Variants in TMCO4 observed in about 807,000 individuals in gnomAD.
TMCO4 encodes transmembrane and coiled-coil domains 4, also known as transmembrane and coiled-coil domain-containing protein 4.
TMCO4 carries 58 observed loss-of-function variants against 64.7 expected under a neutral mutation model. That is an observed-to-expected ratio of 0.90 (90% CI 0.73 to 1.12). TMCO4 has a LOEUF of 1.12. Among genes scored for constraint, TMCO4 ranks in the 50% most tolerant of loss-of-function variants. The pLI is 0.00. For synonymous variants in TMCO4, 325 were observed against 346.1 expected, an observed-to-expected ratio of 0.94 and a Z score of 0.68; for missense variants, 780 against 825.9, an observed-to-expected ratio of 0.94 and a Z score of 0.68.
At chr1:19,731,520 T>C (rs1375651089) in intron 13 of TMCO4, among the ~76,000 whole-genome samples, 1 of 152,198 alleles carries the variant, frequency 6.6e-6, no homozygotes, top group Non-Finnish European at 1.5e-5. Context: ...CCAGAGGCCC[T>C]GACTCCAGAG....
intron 13 of TMCO4, among the ~76,000 whole-genome samples, chr1:19,721,787 T>TCAAAC: frequency 6.7e-6 from 1 of 150,338 alleles, no homozygotes; most frequent in Non-Finnish European, 1.5e-5. Flanking sequence ...AGACCCTGTC[T>TCAAAC]CAAACAAAAC....
chr1:19,762,325 T>A (rs2042542788), intron 6 of TMCO4, among the ~76,000 whole-genome samples: 1 of 152,156 alleles, frequency 6.6e-6, no homozygotes, highest in Admixed American at 6.5e-5. Context: ...GGGATAACAG[T>A]TCTTTGGAAA....
At chr1:19,701,657 C>A (rs1000074882) in intron 13 of TMCO4, among the ~76,000 whole-genome samples, 1 of 152,160 alleles carries the variant, frequency 6.6e-6, no homozygotes, top group African/African-American at 2.4e-5. Context: ...CATCATCTTG[C>A]ATGCCAGGTG....
intron 12 of TMCO4, among the ~76,000 whole-genome samples, chr1:19,738,917 G>A (rs1396797472): frequency 6.6e-6 from 1 of 152,224 alleles, no homozygotes; most frequent in African/African-American, 2.4e-5. Flanking sequence ...AATGTTGTAA[G>A]GCTTTGCTGT....
intron 14 of TMCO4, among the ~76,000 whole-genome samples, chr1:19,699,533 G>A (rs946010690): frequency 1.4e-5 from 2 of 142,316 alleles, no homozygotes; most frequent in African/African-American, 5.3e-5. Flanking sequence ...AGTCTTGCTC[G>A]CTGCCACTCT....
At chr1:19,794,720 C>A (rs74058660) in intron 2 of TMCO4, among the ~76,000 whole-genome samples, 6,601 of 152,232 alleles carry the variant, frequency 0.043, 481 homozygotes, top group African/African-American at 0.15. Flanking sequence ...AATTATTCAC[C>A]ATAGCCGAGA....
At position 19,745,635 on chromosome 1, in the gene TMCO4, C is replaced by A; in HGVS notation, c.774G>T (p.Lys258Asn). The change falls in exon 10 of 16, where the codon AAG becomes AAT. Residue 258 changes from lysine to asparagine, a missense_variant. Transcript: ENST00000294543. The stretch of plus-strand genomic sequence containing the variant: ...TGAACTCTTCAATGGCTCCCACTCG[C>A]TTCTTCATCTTGTATCCTAAAGACC... Reference protein sequence around the residue: ...GAGLTGYKMKKRVGAIEEFTF... With the variant: ...GAGLTGYKMKNRVGAIEEFTF... 6.2e-7 allele frequency: 1 copy of A among 1,611,552 alleles called. No individual in the cohort carries two copies. Among genetic ancestry groups the A allele is most frequent in the Non-Finnish European group, 8.5e-7 (1 of 1,178,426 alleles).
chr1:19,786,743 T>TA (rs2043763084), intron 3 of TMCO4, among the ~76,000 whole-genome samples: 1 of 152,192 alleles, frequency 6.6e-6, no homozygotes, highest in South Asian at 2.1e-4. Flanking sequence ...TATTTTAAAA[T>TA]AAAAATTTTT....
chr1:19,765,477 C>T (rs1047911920), intron 6 of TMCO4, among the ~76,000 whole-genome samples: 7 of 151,000 alleles, frequency 4.6e-5, no homozygotes, highest in African/African-American at 1.2e-4. Flanking sequence ...TTCTGGTTAT[C>T]GCAGCTCAGG....
intron 6 of TMCO4, among the ~76,000 whole-genome samples, chr1:19,759,714 C>G (rs1019158650): frequency 9.2e-5 from 14 of 152,306 alleles, no homozygotes; most frequent in Admixed American, 4.6e-4. Flanking sequence ...CTTAGAGAAG[C>G]CAGCGGCTCC....
intron 6 of TMCO4, among the ~76,000 whole-genome samples, chr1:19,760,493 C>T (rs747395341): frequency 6.6e-5 from 10 of 152,334 alleles, no homozygotes; most frequent in Non-Finnish European, 1.2e-4. Flanking sequence ...TCTTGGCTCA[C>T]TGCAGCCTCA....
At chr1:19,763,068 C>A (rs1269324767) in intron 6 of TMCO4, among the ~76,000 whole-genome samples, 1 of 150,638 alleles carries the variant, frequency 6.6e-6, no homozygotes, top group Non-Finnish European at 1.5e-5. Context: ...ATAAGAATAT[C>A]TTTTTCTTTT....
chr1:19,752,147 T>C (rs942274405), intron 7 of TMCO4, among the ~76,000 whole-genome samples: 4 of 152,206 alleles, frequency 2.6e-5, no homozygotes, highest in Admixed American at 6.5e-5. Context: ...GTTGTCTGAT[T>C]GAATCTCAAC....
At chr1:19,687,174 A>T (rs1013414796) in intron 15 of TMCO4, among the ~76,000 whole-genome samples, 3 of 151,794 alleles carry the variant, frequency 2.0e-5, no homozygotes, top group Non-Finnish European at 4.4e-5. Context: ...CTGGTCTCGG[A>T]CTCCCAACCT....
chr1:19,785,114 T>C (rs983880094), intron 3 of TMCO4, among the ~76,000 whole-genome samples: 1 of 152,088 alleles, frequency 6.6e-6, no homozygotes, highest in Admixed American at 6.5e-5. Context: ...GCACCTGCCA[T>C]TCTCCCTGCT....
intron 3 of TMCO4, among the ~76,000 whole-genome samples, chr1:19,786,135 C>A (rs2043730679): frequency 6.6e-6 from 1 of 152,160 alleles, no homozygotes. Context: ...GTGGTCCCAG[C>A]TACTCAAGAG....
chr1:19,749,159 C>T (rs1328563169), intron 7 of TMCO4, among the ~76,000 whole-genome samples: 1 of 152,202 alleles, frequency 6.6e-6, no homozygotes, highest in African/African-American at 2.4e-5. Flanking sequence ...ATCGAGGGTT[C>T]TAATGTCAGG....
intron 3 of TMCO4, among the ~76,000 whole-genome samples, chr1:19,786,620 C>T (rs1384894026): frequency 6.6e-6 from 1 of 152,172 alleles, no homozygotes; most frequent in Non-Finnish European, 1.5e-5. Context: ...GGGCCAAGTT[C>T]GTCTCACTAA....
Position 19,799,845 on chromosome 1 carries a change from GC to G in TMCO4, c.-180+9del, listed in dbSNP as rs1353753389. 2.0e-5 allele frequency: 3 copies of G among 152,034 alleles called. No homozygotes were observed. The East Asian group carries it at 5.8e-4, about 29-fold the overall frequency. The allele number at this position is 152,034 out of a possible 1,614,324, so 9.4% of individuals were successfully genotyped here. ...ACCGTGGCCTGGCGGCTCCTCCGGGGCCCCCTTACCTGGAGGCGGCTGCGAA... is the reference window on the plus strand; with the variant it reads ...ACCGTGGCCTGGCGGCTCCTCCGGGGCCCCTTACCTGGAGGCGGCTGCGAA... On this transcript the variant is annotated intron_variant, in intron 1 of 15. Transcript: ENST00000294543.
Sources: allele counts gnomAD v4.1 joint callset (sites outside exome capture counted in the v4.1 genomes callset), GRCh38; gene constraint gnomAD v4.1.1; transcripts MANE v1.5; gene names NCBI Gene and HGNC (gene_info 2026-07-23, HGNC 2026-07-21).